The following VPS13C variants were observed in gnomAD, a reference collection of about 807,000 sequenced individuals.
VPS13C encodes intermembrane lipid transfer protein VPS13C.
A neutral mutation model predicts 456.8 loss-of-function variants in VPS13C; 358 were observed. That is an observed-to-expected ratio of 0.78 (90% CI 0.72 to 0.86). The LOEUF is 0.86. Among genes scored for constraint, VPS13C ranks in the 40% least tolerant of loss-of-function variants. The probability of loss-of-function intolerance (pLI) is 0.00; values close to 1 mark genes in which losing one functional copy is unlikely to be tolerated. For missense variants in VPS13C, 4,818 were observed against 4,385.4 expected (o/e 1.10, Z -2.79); for synonymous variants, 1,578 against 1,486.7 (o/e 1.06, Z -1.41).
In VPS13C at chr15:61,961,576, T is replaced by G; in HGVS notation, c.3908+13A>C. 3 of 1,526,932 alleles carry G rather than the reference T, an allele frequency of 2.0e-6. No individual in the cohort carries two copies. The highest frequency in any genetic ancestry group is 2.6e-6 in the Non-Finnish European group (3 of 1,140,052). The allele number at this position is 1,526,932 out of a possible 1,614,324, so 94.6% of individuals were successfully genotyped here. A position where few individuals can be genotyped will look rare whatever the true frequency, so the allele number is the denominator to read the frequency against. On this transcript the variant is annotated intron_variant, in intron 35 of 84. Coordinates refer to ENST00000644861, the MANE Select transcript of VPS13C (RefSeq NM_020821.3). ...ATATAATATTTAAATCCATAATTAT[T>G]GAAAGAGCATACCTATAAAGTGTAA...
chr15:61,908,719 A>G (rs1321400414), intron 65 of VPS13C, among the ~76,000 whole-genome samples: 1 of 152,218 alleles, frequency 6.6e-6, no homozygotes, highest in East Asian at 1.9e-4. Context: ...ATCAAAACTC[A>G]TTTGGCGGCA....
Position 61,941,747 on chromosome 15 carries a change from G to C in VPS13C, c.5453+16C>G. 1 of 1,588,322 alleles carries C rather than the reference G, an allele frequency of 6.3e-7. No homozygotes were observed. Among genetic ancestry groups the C allele is most frequent in the Non-Finnish European group, 8.6e-7 (1 of 1,166,444 alleles). On this transcript the variant is annotated intron_variant, in intron 46 of 84. Coordinates refer to ENST00000644861, the MANE Select transcript of VPS13C (RefSeq NM_020821.3). ...ATTTCTAGTAAGCAATACACAATTA[G>C]ATTACATATTTATACCTTGACAGCT...
At chr15:61,993,079 A>C (rs562812139) in intron 16 of VPS13C, among the ~76,000 whole-genome samples, 11 of 152,246 alleles carry the variant, frequency 7.2e-5, no homozygotes, top group African/African-American at 2.6e-4. Flanking sequence ...CACTTTTAAG[A>C]ATCTTCTATG....
chr15:61,892,249 T>C (rs2042675063), intron 66 of VPS13C, among the ~76,000 whole-genome samples: 1 of 152,176 alleles, frequency 6.6e-6, no homozygotes, highest in Admixed American at 6.5e-5. Flanking sequence ...GAAACGCCTA[T>C]TCAGAGTGGC....
chr15:62,052,449 G>A (rs755752223), intron 1 of VPS13C, among the ~76,000 whole-genome samples: 2 of 152,054 alleles, frequency 1.3e-5, no homozygotes, highest in African/African-American at 2.4e-5. Flanking sequence ...GCTGAGGCAG[G>A]TGGATCACAA....
intron 11 of VPS13C, 41 bp from the exon 12 acceptor site, chr15:62,012,205 C>T (rs1465766955): frequency 1.8e-6 from 2 of 1,137,742 alleles, no homozygotes; most frequent in East Asian, 2.4e-5. Flanking sequence ...AGAAAATGCA[C>T]ACATATTCAG....
At chr15:61,930,771 A>C (rs1428339146) in intron 50 of VPS13C, among the ~76,000 whole-genome samples, 1 of 152,228 alleles carries the variant, frequency 6.6e-6, no homozygotes, top group Non-Finnish European at 1.5e-5. Flanking sequence ...TTTAAAACAA[A>C]ATTCTGCCTA....
At chr15:62,037,306 ATATAAATATATT>A (rs1233055422) in intron 3 of VPS13C, among the ~76,000 whole-genome samples, 4,151 of 82,138 alleles carry the variant, frequency 0.051, 306 homozygotes, top group East Asian at 0.14. Flanking sequence ...TATAATATAT[ATATAAATATATT>A]ATATATTATA....
chr15:62,017,548 T>G (rs2047302328), intron 9 of VPS13C, among the ~76,000 whole-genome samples: 1 of 152,188 alleles, frequency 6.6e-6, no homozygotes, highest in African/African-American at 2.4e-5. Flanking sequence ...AGGGAATCCT[T>G]TCCCCATTGC....
chr15:61,922,595 T>C lies in VPS13C; in HGVS notation c.6777A>G (p.Glu2259=), dbSNP rs575944499. Residue 2259 remains glutamate, a synonymous_variant, in exon 54 of 85, where the codon GAA becomes GAG. Coordinates refer to ENST00000644861, the MANE Select transcript of VPS13C (RefSeq NM_020821.3). ...TWFLGVDTAT[E]ITESFKGIEH... ...CAATGCCTTTGAAGCTTTCCGTTATTTCTGTTGCCGTGTCAACACCAAGAA... is the reference window on the plus strand; with the variant it reads ...CAATGCCTTTGAAGCTTTCCGTTATCTCTGTTGCCGTGTCAACACCAAGAA... 6.2e-7 allele frequency: 1 copy of C among 1,614,146 alleles called. No individual in the cohort carries two copies. Among genetic ancestry groups the C allele is most frequent in the South Asian group, 1.1e-5 (1 of 91,084 alleles).
intron 66 of VPS13C, 66 bp from the exon 67 acceptor site, chr15:61,890,466 T>C: frequency 2.2e-6 from 3 of 1,374,144 alleles, no homozygotes; most frequent in South Asian, 1.3e-5. Context: ...AATTGAACTA[T>C]AATAACAGAA....
rs527432480 is a variant in VPS13C at position 62,051,495 on chromosome 15, T to C, written c.101-7240A>G. Among the ~76,000 whole-genome samples the C allele has an allele frequency of 5.9e-5, 9 of 152,274 alleles. No individual in the cohort carries two copies. In the East Asian group the frequency reaches 1.5e-3, roughly 26 times the overall value. On this transcript the variant is annotated intron_variant, in intron 1 of 84. Transcript: ENST00000644861. ...AGTGGCAGTCTCAAGGCTCAAATCT[T>C]ATAAAACTCAATGCTATCTTCAGAA... is the stretch of plus-strand genomic sequence containing the variant.
At chr15:62,036,077 C>T (rs1024056154) in intron 3 of VPS13C, among the ~76,000 whole-genome samples, 2 of 152,030 alleles carry the variant, frequency 1.3e-5, no homozygotes, top group Non-Finnish European at 2.9e-5. Context: ...TCTATCCAAA[C>T]CTTTCCTACA....
chr15:61,865,970 C>T, intron 81 of VPS13C: 2 of 983,796 alleles, frequency 2.0e-6, no homozygotes, highest in Non-Finnish European at 2.4e-6. Flanking sequence ...TAGAATTTGG[C>T]CATATTACAA....
At chr15:61,923,109 A>C (rs2043714997) in intron 53 of VPS13C, among the ~76,000 whole-genome samples, 1 of 152,198 alleles carries the variant, frequency 6.6e-6, no homozygotes. Context: ...ATAGCAATGT[A>C]AACAAATTCT....
chr15:62,053,047 T>C (rs1425509744), intron 1 of VPS13C, among the ~76,000 whole-genome samples: 1 of 152,230 alleles, frequency 6.6e-6, no homozygotes, highest in Non-Finnish European at 1.5e-5. Context: ...TAATTAGTAA[T>C]GCTACTTAAA....
chr15:62,000,510 A>C, intron 16 of VPS13C, 54 bp downstream of exon 16: 1 of 1,507,288 alleles, frequency 6.6e-7, no homozygotes, highest in African/African-American at 1.4e-5. Context: ...TCCTAGGTTT[A>C]AAAGCGGGCA....
intron 45 of VPS13C, among the ~76,000 whole-genome samples, chr15:61,944,809 A>G (rs2044549639): frequency 6.6e-6 from 1 of 152,184 alleles, no homozygotes; most frequent in Non-Finnish European, 1.5e-5. Context: ...AGTGAAGTCC[A>G]AAAGAGTTGA....
chr15:61,884,219 C>T lies in VPS13C; in HGVS notation c.9392G>A (p.Ser3131Asn). ...TTCCAATAAGATTATCTGCTTTTGA[C>T]TAAATGGCTTCCATTTCTGCTTTGG... ...VKPKQKWKPF[S>N]QKQIILLEQS... The change falls in exon 68 of 85, where the codon AGT (serine) becomes AAT (asparagine). Residue 3131 changes from serine to asparagine, a missense_variant. This residue lies in a region of VPS13C where 4,552 missense variants were observed against 4,130.6 expected (regional missense o/e 1.10). Coordinates refer to ENST00000644861, the MANE Select transcript of VPS13C (RefSeq NM_020821.3). 6.2e-7 allele frequency: 1 copy of T among 1,610,886 alleles called. No homozygotes were observed. The highest frequency in any genetic ancestry group is 8.5e-7 in the Non-Finnish European group (1 of 1,178,818).
Sources: gnomAD v4.1 joint callset for allele counts (sites outside exome capture counted in the v4.1 genomes callset) on GRCh38, gnomAD v4.1.1 for gene constraint, gnomAD v4.1.1 regional missense constraint, MANE v1.5 for transcripts, NCBI Gene and HGNC (gene_info 2026-07-23, HGNC 2026-07-21) for gene names.